PPP2R2B: variants seen among roughly 807,000 people sequenced by gnomAD.
PPP2R2B encodes serine/threonine-protein phosphatase 2A 55 kDa regulatory subunit B beta isoform.
In PPP2R2B, 5 loss-of-function variants were observed where a neutral mutation model predicts 46.0. The ratio of observed to expected loss-of-function variants is 0.11; its 90% confidence interval spans 0.06 to 0.23. The LOEUF is 0.23. PPP2R2B is among the 10% of genes least tolerant of loss of function. PPP2R2B has a pLI of 1.00. For missense variants in PPP2R2B, 367 were observed against 575.0 expected, an observed-to-expected ratio of 0.64 and a Z score of 3.70; for synonymous variants, 215 against 206.7, an observed-to-expected ratio of 1.04 and a Z score of -0.34.
chr5:147,012,673 G>T (rs974187096), intron 1 of PPP2R2B, among the ~76,000 whole-genome samples: 55 of 151,466 alleles, frequency 3.6e-4, no homozygotes, highest in African/African-American at 1.3e-3. Flanking sequence ...TGTGATGTTA[G>T]GGTGTCAATT....
chr5:146,640,934 C>T lies in PPP2R2B; in HGVS notation c.626-2519G>A, dbSNP rs905888080. On this transcript the variant is annotated intron_variant, in intron 6 of 9. Transcript: ENST00000394411. ...CTACCCACCACCCAGCCCTCATCCC[C>T]AAGCCATTGGCTTCCTATCCCCAGC... Among the ~76,000 whole-genome samples, 5 of 152,150 alleles carry T rather than the reference C, an allele frequency of 3.3e-5. No individual in the cohort carries two copies. In the South Asian group the frequency reaches 1.0e-3, roughly 32 times the overall value.
intron 1 of PPP2R2B, among the ~76,000 whole-genome samples, chr5:146,918,869 C>T (rs1370484677): frequency 2.5e-4 from 38 of 152,224 alleles, no homozygotes; most frequent in Non-Finnish European, 1.5e-5. Context: ...AGAGGAAAAA[C>T]TCTTTTGTAA....
chr5:146,654,038 C>T (rs572974818), intron 5 of PPP2R2B, among the ~76,000 whole-genome samples: 1 of 152,276 alleles, frequency 6.6e-6, no homozygotes, highest in South Asian at 2.1e-4. Context: ...GCCACATTCT[C>T]CCTTTAAGGC....
chr5:146,777,940 A>G (rs1755289039), intron 2 of PPP2R2B, among the ~76,000 whole-genome samples: 1 of 152,170 alleles, frequency 6.6e-6, no homozygotes, highest in African/African-American at 2.4e-5. Context: ...AGATACTAAT[A>G]AAAAATTGTA....
chr5:146,643,451 G>C (rs1775362507), intron 6 of PPP2R2B, among the ~76,000 whole-genome samples: 1 of 152,198 alleles, frequency 6.6e-6, no homozygotes, highest in African/African-American at 2.4e-5. Context: ...AAGCAGGAAA[G>C]GGAGAGAGAA....
chr5:146,761,069 C>G (rs1222614190), intron 2 of PPP2R2B, among the ~76,000 whole-genome samples: 1 of 152,166 alleles, frequency 6.6e-6, no homozygotes, highest in Non-Finnish European at 1.5e-5. Context: ...GTTGGTGGGA[C>G]TGTAAACTAG....
chr5:146,667,053 C>A (rs1218093828), intron 5 of PPP2R2B, among the ~76,000 whole-genome samples: 2 of 152,154 alleles, frequency 1.3e-5, no homozygotes, highest in East Asian at 3.9e-4. Context: ...ATCTACTGAA[C>A]AGTAGATTCT....
chr5:146,662,714 G>T (rs952282400), intron 5 of PPP2R2B, among the ~76,000 whole-genome samples: 11 of 151,986 alleles, frequency 7.2e-5, no homozygotes, highest in African/African-American at 2.7e-4. Context: ...CTGATTGAAG[G>T]TTTATGTTAA....
chr5:146,692,861 C>G (rs960060130), intron 4 of PPP2R2B, among the ~76,000 whole-genome samples: 1 of 152,144 alleles, frequency 6.6e-6, no homozygotes, highest in Non-Finnish European at 1.5e-5. Flanking sequence ...GAGACAAGAT[C>G]AGGCAAACAA....
chr5:146,735,556 A>C (rs1241908886), intron 2 of PPP2R2B, among the ~76,000 whole-genome samples: 1 of 152,198 alleles, frequency 6.6e-6, no homozygotes, highest in Non-Finnish European at 1.5e-5. Context: ...AGCAGGTTTT[A>C]TATGATTAAA....
intron 1 of PPP2R2B, among the ~76,000 whole-genome samples, chr5:146,889,841 C>A (rs1392565809): frequency 2.0e-5 from 3 of 152,200 alleles, no homozygotes; most frequent in Non-Finnish European, 2.9e-5. Flanking sequence ...AGTTGTCTAA[C>A]TCCAGGCAAT....
At chr5:146,818,006 G>A (rs1451895041) in intron 2 of PPP2R2B, among the ~76,000 whole-genome samples, 1 of 152,110 alleles carries the variant, frequency 6.6e-6, no homozygotes, top group East Asian at 1.9e-4. Context: ...TTGTCTGCCT[G>A]GCAGGGCTGC....
At chr5:146,669,139 C>T (rs1046646792) in intron 5 of PPP2R2B, among the ~76,000 whole-genome samples, 1 of 152,048 alleles carries the variant, frequency 6.6e-6, no homozygotes, top group Admixed American at 6.6e-5. Context: ...ACCTGACTTC[C>T]ACCTATTTTA....
At chr5:147,023,160 A>G (rs996600807) in intron 1 of PPP2R2B, among the ~76,000 whole-genome samples, 2 of 152,220 alleles carry the variant, frequency 1.3e-5, no homozygotes, top group African/African-American at 4.8e-5. Context: ...AACAATCAGA[A>G]AGGGAAAGAC....
chr5:146,698,298 GAAAAAAA>G (rs779839513), intron 3 of PPP2R2B, among the ~76,000 whole-genome samples, 154 bp from the exon 4 acceptor site: 1 of 14,498 alleles, frequency 6.9e-5, no homozygotes, highest in Admixed American at 1.5e-3. Context: ...TAGCACCTCT[GAAAAAAA>G]AAAAAAAAAA....
intron 1 of PPP2R2B, among the ~76,000 whole-genome samples, chr5:146,995,947 T>C (rs1237484685): frequency 1.3e-5 from 2 of 152,232 alleles, no homozygotes; most frequent in African/African-American, 2.4e-5. Context: ...CATGCTTCAA[T>C]TTGTTCTGAG....
At chr5:146,608,931 T>A (rs914337615) in intron 7 of PPP2R2B, among the ~76,000 whole-genome samples, 1 of 152,204 alleles carries the variant, frequency 6.6e-6, no homozygotes, top group African/African-American at 2.4e-5. Flanking sequence ...ACTCCTTCTA[T>A]GAGGCCAGTA....
rs986792327 is a variant in PPP2R2B, at chr5:146,707,358, A to T, written c.71-6216T>A. The T allele has an allele frequency of 2.8e-4, 232 of 836,844 alleles. 1 individual carries two copies. Among genetic ancestry groups the T allele is most frequent in the Non-Finnish European group, 7.2e-5 (34 of 475,338 alleles). 51.8% of individuals were successfully genotyped at this position (836,844 alleles called of 1,614,324 possible). On this transcript the variant is annotated intron_variant, in intron 2 of 9. Coordinates refer to ENST00000394411, the MANE Select transcript of PPP2R2B (RefSeq NM_181675.4). The stretch of plus-strand genomic sequence containing the variant: ...GCTCCTTCTCCTGGGTGCACACAGC[A>T]TGGATGTTGGGGTTCACCTTCAGGT...
intron 3 of PPP2R2B, among the ~76,000 whole-genome samples, chr5:146,699,661 GTTTTTTT>G (rs11388336): frequency 6.2e-4 from 73 of 118,064 alleles, no homozygotes; most frequent in African/African-American, 2.2e-3. Flanking sequence ...AACTTAATTG[GTTTTTTT>G]TTTTTTTTTT....
Sources: gnomAD v4.1 joint callset for allele counts (sites outside exome capture counted in the v4.1 genomes callset) on GRCh38, gnomAD v4.1.1 for gene constraint, MANE v1.5 for transcripts, NCBI Gene and HGNC (gene_info 2026-07-23, HGNC 2026-07-21) for gene names.